The following NCOA1 variants were observed in gnomAD, a reference collection of about 807,000 sequenced individuals.
NCOA1 encodes the protein Hin-2 protein.
NCOA1 carries 35 observed loss-of-function variants against 150.9 expected under a neutral mutation model. The ratio of observed to expected loss-of-function variants is 0.23; its 90% CI spans 0.18 to 0.31. The LOEUF (loss-of-function observed/expected upper bound fraction) is 0.31, where lower values mean the gene tolerates loss of function less well. Ranked by LOEUF, NCOA1 falls within the 10% of genes least tolerant of loss-of-function variation. The pLI is 1.00. For synonymous variants in NCOA1, 590 were observed against 630.0 expected (o/e 0.94, Z 0.95); for missense variants, 1,491 against 1,749.3 (o/e 0.85, Z 2.63).
At chr2:24,576,149 G>GTTTTTTTTTGTTTTTT (rs1666947727) in intron 2 of NCOA1, among the ~76,000 whole-genome samples, 76 of 93,986 alleles carry the variant, frequency 8.1e-4, no homozygotes, top group Non-Finnish European at 1.2e-3. Flanking sequence ...TTTGGCCTTT[G>GTTTTTTTTTGTTTTTT]TTTTTTTTTT....
At chr2:24,666,407 A>G (rs1671429945) in intron 6 of NCOA1, among the ~76,000 whole-genome samples, 1 of 152,178 alleles carries the variant, frequency 6.6e-6, no homozygotes, top group Non-Finnish European at 1.5e-5. Context: ...AGTGAACCTG[A>G]GAATCTTCTT....
chr2:24,501,499 ATTTG>A (rs1283042054), intron 1 of NCOA1, among the ~76,000 whole-genome samples: 2 of 152,280 alleles, frequency 1.3e-5, no homozygotes, highest in African/African-American at 4.8e-5. Context: ...ATGTTTAAAA[ATTTG>A]TTTACTTGCT....
chr2:24,581,236 C>G (rs1469038659), intron 2 of NCOA1, among the ~76,000 whole-genome samples: 1 of 152,196 alleles, frequency 6.6e-6, no homozygotes, highest in Non-Finnish European at 1.5e-5. Context: ...GAGAAGGGTA[C>G]CTTGTTACTA....
intron 3 of NCOA1, among the ~76,000 whole-genome samples, chr2:24,598,165 T>C (rs987168820): frequency 4.6e-5 from 7 of 152,186 alleles, no homozygotes; most frequent in Non-Finnish European, 7.3e-5. Flanking sequence ...AAGAATACCT[T>C]CTCCCAGACA....
intron 1 of NCOA1, among the ~76,000 whole-genome samples, chr2:24,493,439 A>G (rs913059877): frequency 6.6e-6 from 1 of 152,220 alleles, no homozygotes; most frequent in East Asian, 1.9e-4. Flanking sequence ...TTATTTAACA[A>G]CATTGAAGTT....
intron 1 of NCOA1, chr2:24,492,054 C>G (rs2304892): frequency 6.6e-6 from 1 of 151,954 alleles, no homozygotes. Flanking sequence ...CCGCTCACCT[C>G]TCGGAATCTC....
intron 1 of NCOA1, among the ~76,000 whole-genome samples, chr2:24,545,048 C>T (rs541864067): frequency 1.3e-5 from 2 of 152,100 alleles, no homozygotes; most frequent in Admixed American, 6.5e-5. Context: ...TGTATGTATA[C>T]ATAGCCTAGT....
intron 12 of NCOA1, among the ~76,000 whole-genome samples, chr2:24,706,329 C>G (rs550833868): frequency 5.9e-5 from 9 of 152,034 alleles, no homozygotes; most frequent in African/African-American, 2.2e-4. Flanking sequence ...ATAACTGAGA[C>G]CATTATCAAA....
intron 7 of NCOA1, among the ~76,000 whole-genome samples, chr2:24,679,823 G>C (rs548139514): frequency 1.1e-4 from 16 of 152,164 alleles, no homozygotes; most frequent in Non-Finnish European, 2.2e-4. Context: ...TATCTCCTTT[G>C]CATTATGGAC....
chr2:24,636,192 A>T (rs1669932541), intron 3 of NCOA1, among the ~76,000 whole-genome samples: 1 of 152,202 alleles, frequency 6.6e-6, no homozygotes, highest in African/African-American at 2.4e-5. Context: ...CTGGGAGTGG[A>T]CTAACATCTT....
At position 24,541,245 on chromosome 2, in the gene NCOA1, A is replaced by G. The variant is rs1249466881; in HGVS notation, c.-395-23050A>G. Among the ~76,000 whole-genome samples, 5 of 152,220 alleles carry G rather than the reference A, an allele frequency of 3.3e-5. No homozygotes were observed. In the East Asian group the frequency reaches 9.6e-4, roughly 29 times the overall value. On this transcript the variant is annotated intron_variant, in intron 1 of 22. Transcript: ENST00000348332. Reference sequence around the variant, plus strand: ...AAATGACCACTACTGTTTGAGAGCTACGTTGAAGAAGGGGAGCCTGCAGGC... The same window carrying G: ...AAATGACCACTACTGTTTGAGAGCTGCGTTGAAGAAGGGGAGCCTGCAGGC...
chr2:24,719,028 C>CA (rs59556004), intron 14 of NCOA1, among the ~76,000 whole-genome samples: 11,852 of 34,336 alleles, frequency 0.35, 2,523 homozygotes, highest in Non-Finnish European at 0.4. Flanking sequence ...GACTCTGTCC[C>CA]AAAAAAAAAA....
intron 11 of NCOA1, among the ~76,000 whole-genome samples, chr2:24,703,688 T>A (rs1673276429): frequency 6.6e-6 from 1 of 152,182 alleles, no homozygotes; most frequent in African/African-American, 2.4e-5. Context: ...TGGTATAGAT[T>A]TACATTAAAC....
chr2:24,658,787 C>T, intron 5 of NCOA1, 21 bp downstream of exon 5: 15 of 1,608,700 alleles, frequency 9.3e-6, no homozygotes, highest in Non-Finnish European at 1.2e-5. Flanking sequence ...TCCTCTTAGT[C>T]TATTTTTGGC....
At chr2:24,497,915 A>G (rs1018768560) in intron 1 of NCOA1, among the ~76,000 whole-genome samples, 2 of 152,194 alleles carry the variant, frequency 1.3e-5, no homozygotes, top group African/African-American at 4.8e-5. Context: ...TGTAATTTGA[A>G]TGGTTGATTT....
intron 1 of NCOA1, among the ~76,000 whole-genome samples, chr2:24,514,736 C>G (rs1664095870): frequency 6.6e-6 from 1 of 151,752 alleles, no homozygotes; most frequent in African/African-American, 2.4e-5. Flanking sequence ...GGTGATTGTG[C>G]CACTGTGCTC....
At chr2:24,634,418 T>G (rs530098108) in intron 3 of NCOA1, among the ~76,000 whole-genome samples, 3 of 152,236 alleles carry the variant, frequency 2.0e-5, no homozygotes, top group Non-Finnish European at 4.4e-5. Context: ...CAAGAATGTT[T>G]TCTAGATTTC....
chr2:24,723,499 C>G (rs928754012), intron 14 of NCOA1, among the ~76,000 whole-genome samples: 1 of 152,156 alleles, frequency 6.6e-6, no homozygotes, highest in Non-Finnish European at 1.5e-5. Flanking sequence ...ATAGTCCTTT[C>G]CAGCAGTTGT....
At chr2:24,518,367 A>G (rs1442757) in intron 1 of NCOA1, among the ~76,000 whole-genome samples, 12,856 of 152,096 alleles carry the variant, frequency 0.085, 776 homozygotes, top group East Asian at 0.2. Flanking sequence ...TTTATGAAAA[A>G]CCTACGGTTT....
Sources: allele counts gnomAD v4.1 joint callset (sites outside exome capture counted in the v4.1 genomes callset), GRCh38; gene constraint gnomAD v4.1.1; transcripts MANE v1.5; gene names NCBI Gene and HGNC (gene_info 2026-07-23, HGNC 2026-07-21).